Variants in AKR1B1 observed in about 807,000 individuals in gnomAD.
AKR1B1 encodes the protein aldo-keto reductase family 1 member B1.
A neutral mutation model predicts 40.4 loss-of-function variants in AKR1B1; 22 were observed. That is an observed-to-expected ratio of 0.54 (90% CI 0.39 to 0.78). The LOEUF is 0.78. AKR1B1 is among the 30% of genes least tolerant of loss of function. AKR1B1 has a pLI of 0.00. For synonymous variants in AKR1B1, 157 were observed against 149.9 expected, an observed-to-expected ratio of 1.05 and a Z score of -0.35; for missense variants, 357 against 396.7, an observed-to-expected ratio of 0.90 and a Z score of 0.85.
At chr7:134,454,340 C>T (rs1267042787) in intron 1 of AKR1B1, among the ~76,000 whole-genome samples, 13 of 152,192 alleles carry the variant, frequency 8.5e-5, no homozygotes, top group African/African-American at 2.7e-4. Context: ...TTCAAGACAG[C>T]GGTCCTAGTT....
chr7:134,448,005 G>A lies in AKR1B1; in HGVS notation c.716C>T (p.Ala239Val). The A allele has an allele frequency of 2.5e-6, 4 of 1,613,144 alleles. No homozygotes were observed. Among genetic ancestry groups the A allele is most frequent in the Non-Finnish European group, 8.5e-7 (1 of 1,179,818 alleles). Residue 239 changes from alanine to valine, a missense_variant, in exon 7 of 10, where the codon GCC (alanine) becomes GTC (valine). Coordinates refer to ENST00000285930, the MANE Select transcript of AKR1B1 (RefSeq NM_001628.4). ...LEDPRIKAIA[A>V]KHNKTTAQVL... ...CTGGGCTGTAGTTTTATTGTGCTTG[G>A]CTGCGATCGCCTTGATCCTGGGATC...
At chr7:134,442,843 AATG>A in intron 9 of AKR1B1, 73 bp from the exon 10 acceptor site, 1 of 1,376,330 alleles carries the variant, frequency 7.3e-7, no homozygotes, top group East Asian at 2.3e-5. Context: ...CCAACAGAGA[AATG>A]ATGTGTCTCA....
At chr7:134,451,813 G>A in intron 1 of AKR1B1, 60 bp from the exon 2 acceptor site, 1 of 1,577,010 alleles carries the variant, frequency 6.3e-7, no homozygotes. Flanking sequence ...AAGGAGGAGG[G>A]GCAGTGGCAG....
At chr7:134,445,601 T>A (rs1806068658) in intron 8 of AKR1B1, among the ~76,000 whole-genome samples, 1 of 152,248 alleles carries the variant, frequency 6.6e-6, no homozygotes, top group Non-Finnish European at 1.5e-5. Context: ...TTGTGATAAG[T>A]TGCAGTGAGG....
chr7:134,445,716 T>G (rs894714321), intron 8 of AKR1B1, among the ~76,000 whole-genome samples: 1 of 152,190 alleles, frequency 6.6e-6, no homozygotes, highest in African/African-American at 2.4e-5. Flanking sequence ...ACACACTGTA[T>G]AAGACACTCA....
At position 134,448,873 on chromosome 7, in the gene AKR1B1, A is replaced by G. The variant is rs1275767409; in HGVS notation, c.552+124T>C. The stretch of plus-strand genomic sequence containing the variant: ...GTGTCATGCTGAATCATAACTCAGG[A>G]CTCTGCCAACACCCAGGAGCTGCCT... On this transcript the variant is annotated intron_variant, in intron 5 of 9. Coordinates refer to ENST00000285930, the MANE Select transcript of AKR1B1 (RefSeq NM_001628.4). The G allele has an allele frequency of 8.7e-6, 10 of 1,153,364 alleles. No homozygotes were observed. In the Admixed American group the frequency reaches 1.7e-4, roughly 19 times the overall value. The allele number at this position is 1,153,364 out of a possible 1,614,324, so 71.4% of individuals were successfully genotyped here. A position where few individuals can be genotyped will look rare whatever the true frequency, so the allele number is the denominator to read the frequency against.
chr7:134,444,939 G>A (rs1301854157), intron 9 of AKR1B1: 1 of 512,634 alleles, frequency 2.0e-6, no homozygotes, highest in Admixed American at 3.2e-5. Context: ...GGATCACCTA[G>A]TTTCAGATGA....
chr7:134,451,377 C>G, intron 2 of AKR1B1: 1 of 660,746 alleles, frequency 1.5e-6, no homozygotes, highest in Admixed American at 2.2e-5. Context: ...GGACTCTAAG[C>G]AATGGGCCCA....
chr7:134,445,591 T>C (rs1585707798), intron 8 of AKR1B1, among the ~76,000 whole-genome samples: 1 of 152,268 alleles, frequency 6.6e-6, no homozygotes, highest in Non-Finnish European at 1.5e-5. Context: ...AGCACTTCTA[T>C]TGTGATAAGT....
At chr7:134,444,923 C>A in intron 9 of AKR1B1, 1 of 479,320 alleles carries the variant, frequency 2.1e-6, no homozygotes, top group Admixed American at 3.3e-5. Flanking sequence ...GATCCAGGGT[C>A]ACCTGGGATC....
At chr7:134,455,220 C>T (rs373032867) in intron 1 of AKR1B1, among the ~76,000 whole-genome samples, 1 of 152,208 alleles carries the variant, frequency 6.6e-6, no homozygotes, top group East Asian at 1.9e-4. Flanking sequence ...GGCAAAAAAA[C>T]CCCCCTCAGC....
At chr7:134,449,868 C>T in intron 3 of AKR1B1, 71 bp from the exon 4 acceptor site, 2 of 1,310,224 alleles carry the variant, frequency 1.5e-6, no homozygotes, top group Non-Finnish European at 2.2e-6. Flanking sequence ...CTGGGGGAAG[C>T]TGGCATCTAA....
intron 1 of AKR1B1, among the ~76,000 whole-genome samples, chr7:134,456,995 G>A (rs1304083747): frequency 2.0e-5 from 3 of 151,974 alleles, no homozygotes; most frequent in Admixed American, 6.6e-5. Context: ...CAAACTACCC[G>A]AGTGTGGTGG....
intron 1 of AKR1B1, among the ~76,000 whole-genome samples, chr7:134,455,938 A>G (rs1032214065): frequency 2.0e-5 from 3 of 152,190 alleles, no homozygotes; most frequent in Admixed American, 6.5e-5. Flanking sequence ...GGTCTGGGGC[A>G]GAGATGGTCT....
chr7:134,455,653 A>C (rs1449639699), intron 1 of AKR1B1, among the ~76,000 whole-genome samples: 1 of 151,784 alleles, frequency 6.6e-6, no homozygotes, highest in African/African-American at 2.4e-5. Context: ...GCACAATCTC[A>C]GATCATGGCA....
In AKR1B1 at chr7:134,448,977, T is replaced by C. The variant is rs1806194959; in HGVS notation, c.552+20A>G. 2 of 1,613,914 alleles carry C rather than the reference T, an allele frequency of 1.2e-6. No homozygotes were observed. The highest frequency in any genetic ancestry group is 1.7e-6 in the Non-Finnish European group (2 of 1,179,898). ...TAAAACAGCAACGTTGCAATGCCAG[T>C]GTCGTTGGGGGATGTTTACCTGGTT... On this transcript the variant is annotated intron_variant, in intron 5 of 9. Coordinates refer to ENST00000285930, the MANE Select transcript of AKR1B1 (RefSeq NM_001628.4).
intron 9 of AKR1B1, 112 bp downstream of exon 9, chr7:134,445,126 A>G (rs1039560617): frequency 1.2e-4 from 120 of 963,524 alleles, no homozygotes; most frequent in Non-Finnish European, 2.3e-5. Context: ...GTGCAAAGCA[A>G]GAACAGCTGT....
chr7:134,459,138 A>T, upstream of AKR1B1: 1 of 1,526,582 alleles, frequency 6.6e-7, no homozygotes, highest in Non-Finnish European at 8.9e-7. Context: ...ATAGCCCGTG[A>T]GGTCGGCAGA....
chr7:134,447,317 C>A lies in AKR1B1; in HGVS notation c.806G>T (p.Arg269Leu). 6.2e-7 allele frequency: 1 copy of A among 1,614,058 alleles called. No individual in the cohort carries two copies. The highest frequency in any genetic ancestry group is 8.5e-7 in the Non-Finnish European group (1 of 1,179,984). The change falls in exon 8 of 10, where the codon CGC (arginine) becomes CTC (leucine). Residue 269 changes from arginine to leucine, a missense_variant. Coordinates refer to ENST00000285930, the MANE Select transcript of AKR1B1 (RefSeq NM_001628.4). Reference sequence around the variant, plus strand: ...TCTTACCTTAAAGTTCTCAGCAATGCGTTCTGGTGTCACAGACTTGGGGAT... The same window carrying A: ...TCTTACCTTAAAGTTCTCAGCAATGAGTTCTGGTGTCACAGACTTGGGGAT... Reference protein sequence around the residue: ...VVIPKSVTPERIAENFKVFDF... With the variant: ...VVIPKSVTPELIAENFKVFDF...
Sources: allele counts gnomAD v4.1 joint callset (sites outside exome capture counted in the v4.1 genomes callset), GRCh38; gene constraint gnomAD v4.1.1; transcripts MANE v1.5; gene names NCBI Gene and HGNC (gene_info 2026-07-23, HGNC 2026-07-21).